The following ATG5 variants were observed in gnomAD, a reference collection of about 807,000 sequenced individuals.
The protein encoded by ATG5 is autophagy protein 5.
ATG5 carries 14 observed loss-of-function variants against 36.5 expected under a neutral mutation model. That is an observed-to-expected ratio of 0.38 (90% confidence interval 0.25 to 0.60). ATG5 has a LOEUF of 0.60. Ranked by LOEUF, ATG5 falls within the 20% of genes least tolerant of loss-of-function variation. The pLI is 0.60. For missense variants in ATG5, 195 were observed against 326.7 expected (o/e 0.60, Z 3.11); for synonymous variants, 95 against 101.5 (o/e 0.94, Z 0.38).
intron 5 of ATG5, among the ~76,000 whole-genome samples, chr6:106,260,994 A>C (rs1158203002): frequency 6.6e-6 from 1 of 152,208 alleles, no homozygotes; most frequent in Non-Finnish European, 1.5e-5. Context: ...TGCGTAATAC[A>C]TGAACCAGCA....
chr6:106,244,793 C>T (rs557397726), intron 6 of ATG5, among the ~76,000 whole-genome samples: 3 of 152,274 alleles, frequency 2.0e-5, no homozygotes, highest in Admixed American at 2.0e-4. Flanking sequence ...TGTAAATAAA[C>T]TTGTTGAATG....
chr6:106,292,256 T>C (rs1780339049), intron 4 of ATG5, among the ~76,000 whole-genome samples: 1 of 152,190 alleles, frequency 6.6e-6, no homozygotes, highest in South Asian at 2.1e-4. Context: ...TCATTGCTAT[T>C]TGAGAATGAA....
intron 6 of ATG5, among the ~76,000 whole-genome samples, chr6:106,211,482 G>A (rs1174548811): frequency 1.3e-5 from 2 of 152,172 alleles, no homozygotes; most frequent in Admixed American, 6.5e-5. Flanking sequence ...AGGCTGAGGC[G>A]GGTGGATCAT....
intron 5 of ATG5, among the ~76,000 whole-genome samples, chr6:106,271,981 A>G (rs1779471529): frequency 6.6e-6 from 1 of 152,206 alleles, no homozygotes; most frequent in African/African-American, 2.4e-5. Context: ...ATGATCTCCT[A>G]AACTGCTTCA....
intron 5 of ATG5, among the ~76,000 whole-genome samples, chr6:106,277,659 A>G (rs1390265889): frequency 6.6e-6 from 1 of 152,234 alleles, no homozygotes; most frequent in African/African-American, 2.4e-5. Context: ...TACTAAAAAC[A>G]CAAAATTAGC....
chr6:106,207,466 C>G (rs947448635), intron 6 of ATG5, among the ~76,000 whole-genome samples: 2 of 150,508 alleles, frequency 1.3e-5, no homozygotes, highest in Non-Finnish European at 3.0e-5. Context: ...TTCAGGAGAC[C>G]GAGGTGGGAG....
At chr6:106,289,131 C>T (rs1780203283) in intron 4 of ATG5, among the ~76,000 whole-genome samples, 1 of 152,168 alleles carries the variant, frequency 6.6e-6, no homozygotes. Context: ...CCAAGTGACA[C>T]AAAATTGTTA....
At chr6:106,268,049 A>G (rs1478914717) in intron 5 of ATG5, among the ~76,000 whole-genome samples, 1 of 152,252 alleles carries the variant, frequency 6.6e-6, no homozygotes, top group Non-Finnish European at 1.5e-5. Context: ...CAGAGTGACT[A>G]AACAGCTTCT....
chr6:106,213,206 C>T (rs568966443), intron 6 of ATG5, among the ~76,000 whole-genome samples: 39 of 152,250 alleles, frequency 2.6e-4, no homozygotes, highest in African/African-American at 9.1e-4. Flanking sequence ...TATCACTATG[C>T]TAATGGATAC....
rs538394912 is a variant in ATG5 at position 106,212,477 on chromosome 6, A to C, written c.574-10388T>G. Reference sequence around the variant, plus strand: ...CCAATATGGTGAACCCGTCTCTAACAAAAATACAAAAATTAGCCGGGCGCT... The same window carrying C: ...CCAATATGGTGAACCCGTCTCTAACCAAAATACAAAAATTAGCCGGGCGCT... On this transcript the variant is annotated intron_variant, in intron 6 of 7. Transcript: ENST00000369076. Among the ~76,000 whole-genome samples the C allele has an allele frequency of 8.5e-5, 13 of 152,298 alleles. No individual in the cohort carries two copies. In the East Asian group the frequency reaches 2.5e-3, roughly 29 times the overall value.
intron 4 of ATG5, among the ~76,000 whole-genome samples, chr6:106,290,982 G>A (rs1780284388): frequency 6.6e-6 from 1 of 152,212 alleles, no homozygotes; most frequent in South Asian, 2.1e-4. Flanking sequence ...TTTCCCTGCA[G>A]TGAGAGGTTC....
chr6:106,212,612 C>A (rs561842519), intron 6 of ATG5, among the ~76,000 whole-genome samples: 1 of 152,210 alleles, frequency 6.6e-6, no homozygotes, highest in Non-Finnish European at 1.5e-5. Context: ...GCACTCCAGC[C>A]TGGGCGAGAG....
intron 5 of ATG5, among the ~76,000 whole-genome samples, chr6:106,272,183 A>G (rs1449653227): frequency 6.6e-6 from 1 of 152,134 alleles, no homozygotes; most frequent in Non-Finnish European, 1.5e-5. Flanking sequence ...ACTGGTATAG[A>G]CTCCCACTTG....
At chr6:106,188,376 C>CA (rs1309943033) in intron 7 of ATG5, among the ~76,000 whole-genome samples, 4 of 152,022 alleles carry the variant, frequency 2.6e-5, no homozygotes, top group African/African-American at 7.2e-5. Flanking sequence ...AGCACTGAGT[C>CA]AAAAAATGAA....
chr6:106,224,748 G>A (rs1482186347), intron 6 of ATG5, among the ~76,000 whole-genome samples: 1 of 152,156 alleles, frequency 6.6e-6, no homozygotes, highest in Non-Finnish European at 1.5e-5. Flanking sequence ...AGGTGTGGTG[G>A]TGCATGCCTG....
intron 7 of ATG5, among the ~76,000 whole-genome samples, chr6:106,198,035 T>C (rs1776271845): frequency 6.6e-6 from 1 of 152,086 alleles, no homozygotes; most frequent in African/African-American, 2.4e-5. Flanking sequence ...CAAATGAAAA[T>C]AACTCATCTA....
At chr6:106,190,676 G>GA (rs1272526210) in intron 7 of ATG5, among the ~76,000 whole-genome samples, 1 of 151,572 alleles carries the variant, frequency 6.6e-6, no homozygotes, top group Non-Finnish European at 1.5e-5. Flanking sequence ...AAAAAGTTAC[G>GA]TTTTAAGAAA....
At chr6:106,233,822 C>G (rs908196997) in intron 6 of ATG5, among the ~76,000 whole-genome samples, 4 of 152,082 alleles carry the variant, frequency 2.6e-5, no homozygotes, top group Non-Finnish European at 5.9e-5. Context: ...CCCTTTCACT[C>G]TCACTGCACC....
At chr6:106,309,220 G>A (rs1161436755) in intron 2 of ATG5, among the ~76,000 whole-genome samples, 2 of 152,016 alleles carry the variant, frequency 1.3e-5, no homozygotes, top group East Asian at 3.8e-4. Flanking sequence ...TATTCTTTTG[G>A]CTGCTTTTAT....
Sources: gnomAD v4.1 joint callset for allele counts (sites outside exome capture counted in the v4.1 genomes callset) on GRCh38, gnomAD v4.1.1 for gene constraint, MANE v1.5 for transcripts, NCBI Gene and HGNC (gene_info 2026-07-23, HGNC 2026-07-21) for gene names.